Variants in IL10RB observed in about 807,000 individuals in gnomAD.
IL10RB encodes interleukin-10 receptor subunit beta.
Under a neutral mutation model 38.7 loss-of-function variants are expected in IL10RB, and 30 were observed. The ratio of observed to expected loss-of-function variants is 0.78; its 90% CI spans 0.58 to 1.05. The LOEUF (loss-of-function observed/expected upper bound fraction) is 1.05. Ranked by LOEUF, IL10RB falls within the 50% of genes least tolerant of loss-of-function variation. IL10RB has a pLI of 0.00. For missense variants in IL10RB, 328 were observed against 397.1 expected, an observed-to-expected ratio of 0.83 and a Z score of 1.48; for synonymous variants, 142 against 145.9, an observed-to-expected ratio of 0.97 and a Z score of 0.19.
chr21:33,306,374 G>T (rs965459777), intron 1 of IL10RB, among the ~76,000 whole-genome samples: 5 of 152,158 alleles, frequency 3.3e-5, no homozygotes, highest in Admixed American at 3.3e-4. Context: ...TATCAGATTT[G>T]TAAGGTGTTC....
chr21:33,295,806 A>T (rs1451781268), intron 6 of IL10RB, among the ~76,000 whole-genome samples: 2 of 152,096 alleles, frequency 1.3e-5, no homozygotes, highest in Non-Finnish European at 2.9e-5. Context: ...GCACTTTGGG[A>T]GGCCAAGGTG....
intron 1 of IL10RB, among the ~76,000 whole-genome samples, chr21:33,306,312 A>C (rs1176515496): frequency 6.6e-6 from 1 of 152,188 alleles, no homozygotes; most frequent in Non-Finnish European, 1.5e-5. Flanking sequence ...TTTTTATAAA[A>C]AGGTTTTTGG....
intron 6 of IL10RB, chr21:33,293,992 G>A (rs945318183): frequency 1.5e-5 from 7 of 470,640 alleles, no homozygotes; most frequent in Admixed American, 1.2e-4. Context: ...TGCTATTTTT[G>A]CTTCTGGCTT....
chr21:33,274,017 A>G (rs992298326), intron 2 of IL10RB, among the ~76,000 whole-genome samples: 1 of 152,166 alleles, frequency 6.6e-6, no homozygotes, highest in Non-Finnish European at 1.5e-5. Context: ...ACCCCTGTTA[A>G]TGTTATATTT....
intron 2 of IL10RB, among the ~76,000 whole-genome samples, chr21:33,272,098 G>T (rs1290039999): frequency 6.6e-6 from 1 of 152,162 alleles, no homozygotes; most frequent in South Asian, 2.1e-4. Context: ...AGAAATGGTT[G>T]ATTGACAAAT....
chr21:33,300,992 G>A (rs1371401178), downstream of IL10RB, among the ~76,000 whole-genome samples: 2 of 152,186 alleles, frequency 1.3e-5, no homozygotes, highest in African/African-American at 4.8e-5. Flanking sequence ...ACCCTGACCA[G>A]TTCTAATATC....
downstream of IL10RB, among the ~76,000 whole-genome samples, chr21:33,299,661 C>T (rs1232275301): frequency 2.0e-5 from 3 of 152,176 alleles, no homozygotes; most frequent in South Asian, 2.1e-4. Context: ...ACACTGTGGC[C>T]GCCAGGAGAG....
At chr21:33,280,220 A>G (rs1344452458) in intron 4 of IL10RB, among the ~76,000 whole-genome samples, 3 of 152,244 alleles carry the variant, frequency 2.0e-5, no homozygotes, top group Non-Finnish European at 4.4e-5. Context: ...TTAGGTGATC[A>G]GCAAATTGAC....
intron 6 of IL10RB, among the ~76,000 whole-genome samples, chr21:33,289,149 G>A (rs8178531): frequency 0.019 from 2,941 of 152,288 alleles, 43 homozygotes; most frequent in Non-Finnish European, 0.029. Flanking sequence ...TTGGCCATGC[G>A]CTGGATGTGG....
At chr21:33,287,696 C>T (rs765429) in intron 5 of IL10RB, among the ~76,000 whole-genome samples, 77,259 of 151,802 alleles carry the variant, frequency 0.51, 20,886 homozygotes, top group African/African-American at 0.7. Flanking sequence ...GAGTTGTTCA[C>T]GCAGAGTTTC....
chr21:33,298,473 G>C (rs1410339970), downstream of IL10RB, among the ~76,000 whole-genome samples: 2 of 152,080 alleles, frequency 1.3e-5, no homozygotes, highest in Non-Finnish European at 2.9e-5. Context: ...AATTAGCCAG[G>C]CGTGGTGGTG....
At chr21:33,297,689 T>TGTA (rs1475102981), downstream of IL10RB, among the ~76,000 whole-genome samples, 1 of 152,076 alleles carries the variant, frequency 6.6e-6, no homozygotes, top group Non-Finnish European at 1.5e-5. Flanking sequence ...GGCATGTGTC[T>TGTA]GTAGTCCCAG....
downstream of IL10RB, among the ~76,000 whole-genome samples, chr21:33,298,630 TAATAA>T (rs1360280094): frequency 1.3e-5 from 2 of 151,914 alleles, no homozygotes; most frequent in Admixed American, 6.6e-5. Flanking sequence ...AATAAATAAA[TAATAA>T]AATAAAAAAT....
intron 6 of IL10RB, among the ~76,000 whole-genome samples, chr21:33,292,368 C>G (rs1183327648): frequency 6.6e-6 from 1 of 152,208 alleles, no homozygotes; most frequent in East Asian, 1.9e-4. Context: ...GCTAACCTTG[C>G]CATGAAACCA....
intron 6 of IL10RB, 37 bp downstream of exon 6, chr21:33,288,298 T>C (rs996876175): frequency 6.3e-7 from 1 of 1,599,138 alleles, no homozygotes; most frequent in East Asian, 2.2e-5. Context: ...TTTGAAAACC[T>C]TGATCGGAAA....
intron 1 of IL10RB, among the ~76,000 whole-genome samples, chr21:33,305,055 A>G (rs1042998356): frequency 6.6e-6 from 1 of 152,230 alleles, no homozygotes. Flanking sequence ...TTCTATGTAG[A>G]TAAGGTCTCG....
chr21:33,307,476 A>AC (rs1298806459), intron 1 of IL10RB, among the ~76,000 whole-genome samples: 1 of 152,174 alleles, frequency 6.6e-6, no homozygotes, highest in Non-Finnish European at 1.5e-5. Context: ...GCCCAAGACC[A>AC]TGCTTCTGTC....
chr21:33,270,668 C>T (rs558046831), intron 2 of IL10RB, among the ~76,000 whole-genome samples: 102 of 151,386 alleles, frequency 6.7e-4, no homozygotes, highest in African/African-American at 2.4e-3. Flanking sequence ...GCCACCGCGC[C>T]CAGCCTTTTT....
intron 3 of IL10RB, among the ~76,000 whole-genome samples, chr21:33,278,679 C>T (rs112206059): frequency 7.2e-5 from 11 of 152,338 alleles, no homozygotes; most frequent in African/African-American, 2.6e-4. Context: ...GTGCTCTTAG[C>T]AACTACTACC....
Sources: gnomAD v4.1 joint callset for allele counts (sites outside exome capture counted in the v4.1 genomes callset) on GRCh38, gnomAD v4.1.1 for gene constraint, MANE v1.5 for transcripts, NCBI Gene and HGNC (gene_info 2026-07-23, HGNC 2026-07-21) for gene names.